The following GPATCH2L variants were observed in gnomAD, a reference collection of about 807,000 sequenced individuals.
GPATCH2L encodes G-patch domain containing 2 like, also known as G patch domain-containing protein 2-like.
GPATCH2L carries 31 observed loss-of-function variants against 57.4 expected under a neutral mutation model. That is an observed-to-expected ratio of 0.54 (90% CI 0.41 to 0.73). The LOEUF is 0.73. Among genes scored for constraint, GPATCH2L ranks in the 30% least tolerant of loss-of-function variants. The pLI, the probability that GPATCH2L is intolerant of heterozygous loss-of-function variation, is 0.00. For missense variants in GPATCH2L, 481 were observed against 599.9 expected (o/e 0.80, Z 2.07); for synonymous variants, 199 against 210.7 (o/e 0.94, Z 0.48).
At chr14:76,178,368 G>A in intron 7 of GPATCH2L, 1 of 684,594 alleles carries the variant, frequency 1.5e-6, no homozygotes, top group Non-Finnish European at 2.1e-6. Context: ...TAGAGCAGTG[G>A]TCCCCAACCT....
At chr14:76,217,602 A>C (rs1366625596), downstream of GPATCH2L, among the ~76,000 whole-genome samples, 1 of 152,106 alleles carries the variant, frequency 6.6e-6, no homozygotes, top group Non-Finnish European at 1.5e-5. Context: ...TGTTGAAAAA[A>C]AAACCTTGCA....
At chr14:76,180,439 A>G (rs1366055779) in intron 7 of GPATCH2L, among the ~76,000 whole-genome samples, 1 of 152,252 alleles carries the variant, frequency 6.6e-6, no homozygotes, top group Admixed American at 6.5e-5. Context: ...GCTGATACAT[A>G]GTTGATAATC....
rs377474002 is a variant in GPATCH2L at position 76,173,587 on chromosome 14, C to G, written c.946C>G (p.Arg316Gly). 1 of 1,613,336 alleles carries G rather than the reference C, an allele frequency of 6.2e-7. No individual in the cohort carries two copies. Among genetic ancestry groups the G allele is most frequent in the Non-Finnish European group, 8.5e-7 (1 of 1,179,396 alleles). ...RLNRLPGAAA[R>G]CLRKGRRRLV... ...GAATCGTCTACCTGGAGCTGCAGCT[C>G]GATGCCTCAGAAAGGGGCGAAGAAG... is the stretch of plus-strand genomic sequence containing the variant. Residue 316 changes from arginine (R) to glycine (G), a missense_variant, in exon 5 of 10, where the codon CGA becomes GGA. This residue lies in a region of GPATCH2L where 248 missense variants were observed against 270.5 expected (regional missense o/e 0.92). Transcript: ENST00000261530.
chr14:76,180,626 C>T (rs1040387929), intron 7 of GPATCH2L, 138 bp from the exon 8 acceptor site: 1 of 648,172 alleles, frequency 1.5e-6, no homozygotes, highest in Non-Finnish European at 2.8e-6. Context: ...ATATGTGTGA[C>T]TTTACTGAAC....
chr14:76,231,759 A>G (rs1365860826), intron 2 of GPATCH2L, among the ~76,000 whole-genome samples: 1 of 152,122 alleles, frequency 6.6e-6, no homozygotes, highest in Non-Finnish European at 1.5e-5. Context: ...TACCACTCCC[A>G]AACAGCTACT....
chr14:76,180,227 A>T (rs183831489), intron 7 of GPATCH2L, among the ~76,000 whole-genome samples: 225 of 152,140 alleles, frequency 1.5e-3, no homozygotes, highest in Non-Finnish European at 2.4e-3. Flanking sequence ...ACAGATAAGG[A>T]TAGTAAAGCT....
chr14:76,218,378 A>G (rs1369978364), downstream of GPATCH2L, among the ~76,000 whole-genome samples: 1 of 152,132 alleles, frequency 6.6e-6, no homozygotes, highest in East Asian at 1.9e-4. Flanking sequence ...AATAGCTTTT[A>G]TAGATACAAT....
rs572741221 is a variant in GPATCH2L at position 76,182,348 on chromosome 14, C to A, written c.1193+1499C>A. ...CTCCAGCCTGGGGGACAGAGCGAGA[C>A]CCCGTCTCAGAAAAGAAAAAAAAAA... On this transcript the variant is annotated intron_variant, in intron 8 of 9. Transcript: ENST00000261530. Among the ~76,000 whole-genome samples, 21 of 139,078 alleles carry A rather than the reference C, an allele frequency of 1.5e-4. No individual in the cohort carries two copies. The South Asian group carries it at 5.3e-3, about 35-fold the overall frequency. The allele number at this position is 139,078 out of a possible 152,430, so 91.2% of individuals were successfully genotyped here. A position where few individuals can be genotyped will look rare whatever the true frequency, so the allele number is the denominator to read the frequency against.
chr14:76,187,025 G>GTTTTTTT (rs34797876), intron 8 of GPATCH2L, among the ~76,000 whole-genome samples: 1 of 147,940 alleles, frequency 6.8e-6, no homozygotes. Flanking sequence ...ATTGTGAAGT[G>GTTTTTTT]TTTTTTTTTT....
intron 8 of GPATCH2L, among the ~76,000 whole-genome samples, chr14:76,185,213 T>C (rs1305575974): frequency 6.6e-6 from 1 of 152,030 alleles, no homozygotes; most frequent in Non-Finnish European, 1.5e-5. Context: ...CCAAGTGTTT[T>C]GGTTTGGTTG....
chr14:76,162,903 G>A (rs1326953614), intron 2 of GPATCH2L, among the ~76,000 whole-genome samples: 1 of 152,210 alleles, frequency 6.6e-6, no homozygotes, highest in East Asian at 1.9e-4. Flanking sequence ...ATAAGGGATA[G>A]TAGTCAAGGC....
chr14:76,157,970 C>G (rs2038389142), intron 2 of GPATCH2L, among the ~76,000 whole-genome samples: 2 of 152,104 alleles, frequency 1.3e-5, no homozygotes, highest in Non-Finnish European at 2.9e-5. Flanking sequence ...TATTCTAAAG[C>G]AGAACAACTA....
intron 8 of GPATCH2L, among the ~76,000 whole-genome samples, chr14:76,191,584 C>T (rs1208954684): frequency 1.3e-5 from 2 of 152,114 alleles, no homozygotes; most frequent in Non-Finnish European, 2.9e-5. Context: ...TTGCTCTAAG[C>T]ACCCAACTTC....
rs951579916 is a variant in GPATCH2L at position 76,154,334 on chromosome 14, C to G, written c.-10-20C>G. ...TTTTCTTTTCTTTCTTTCTTTTTTT[C>G]CTAAACTTCCTTTTGGCAGATGTGG... On this transcript the variant is annotated intron_variant, in intron 1 of 9. Coordinates refer to ENST00000261530, the MANE Select transcript of GPATCH2L (RefSeq NM_017926.4). This position sits in a 1 kb window ranked among gnomAD's most constrained non-coding sequence, Gnocchi z 4.4. The G allele has an allele frequency of 2.6e-6, 4 of 1,517,986 alleles. No homozygotes were observed. The highest frequency in any genetic ancestry group is 3.5e-6 in the Non-Finnish European group (4 of 1,128,658). The allele number at this position is 1,517,986 out of a possible 1,614,324, so 94.0% of individuals were successfully genotyped here.
chr14:76,217,307 A>T (rs1020537494), downstream of GPATCH2L, among the ~76,000 whole-genome samples: 6 of 152,154 alleles, frequency 3.9e-5, no homozygotes, highest in African/African-American at 1.2e-4. Context: ...AATATTTGCT[A>T]TCCAAACTTT....
intron 8 of GPATCH2L, among the ~76,000 whole-genome samples, chr14:76,192,205 G>A (rs1055960169): frequency 1.3e-5 from 2 of 150,732 alleles, no homozygotes; most frequent in African/African-American, 4.9e-5. Context: ...TTGTCCTCTA[G>A]GGTTCTTTCC....
At chr14:76,169,208 G>T (rs1446353962) in intron 3 of GPATCH2L, among the ~76,000 whole-genome samples, 1 of 151,990 alleles carries the variant, frequency 6.6e-6, no homozygotes, top group South Asian at 2.1e-4. Flanking sequence ...GTTCTCTGTG[G>T]CTCCTTGTAT....
At chr14:76,227,516 G>A (rs372837487) in intron 1 of GPATCH2L, among the ~76,000 whole-genome samples, 7 of 152,232 alleles carry the variant, frequency 4.6e-5, no homozygotes, top group African/African-American at 1.7e-4. Flanking sequence ...CGAATCCAGG[G>A]GTGTGCAGCA....
At chr14:76,162,030 C>T (rs555016787) in intron 2 of GPATCH2L, among the ~76,000 whole-genome samples, 11 of 152,052 alleles carry the variant, frequency 7.2e-5, no homozygotes, top group African/African-American at 2.2e-4. Flanking sequence ...AGCGAGACTC[C>T]GTCTCAAAAA....
Sources: gnomAD v4.1 joint callset for allele counts (sites outside exome capture counted in the v4.1 genomes callset) on GRCh38, gnomAD v4.1.1 for gene constraint, gnomAD v4.1.1 regional missense constraint, Gnocchi (gnomAD v3.1) non-coding constraint, MANE v1.5 for transcripts, NCBI Gene and HGNC (gene_info 2026-07-23, HGNC 2026-07-21) for gene names.